FAT3: variants seen among roughly 807,000 people sequenced by gnomAD.
The protein encoded by FAT3 is FAT atypical cadherin 3.
Under a neutral mutation model 310.2 loss-of-function variants are expected in FAT3, and 95 were observed. The ratio of observed to expected loss-of-function variants is 0.31; its 90% CI spans 0.26 to 0.36. The LOEUF is 0.36. Ranked by LOEUF, FAT3 falls within the 10% of genes least tolerant of loss-of-function variation. The probability of loss-of-function intolerance (pLI) is 1.00; values close to 1 mark genes in which losing one functional copy is unlikely to be tolerated. For missense variants in FAT3, 5,408 were observed against 5,715.6 expected (o/e 0.95, Z 1.74); for synonymous variants, 2,314 against 2,192.9 (o/e 1.06, Z -1.54).
intron 15 of FAT3, 92 bp downstream of exon 15, chr11:92,835,176 C>T: frequency 1.3e-5 from 13 of 1,038,338 alleles, no homozygotes; most frequent in Non-Finnish European, 1.8e-5. Context: ...CTTGGGTTTT[C>T]TTCACACTTC....
rs1229594203 is a variant in FAT3, at chr11:92,891,504, T to C, written c.*391T>C. The C allele has an allele frequency of 2.0e-5, 4 of 197,258 alleles. No homozygotes were observed. Among genetic ancestry groups the C allele is most frequent in the Non-Finnish European group, 4.3e-5 (4 of 93,678 alleles). The allele number at this position is 197,258 out of a possible 1,614,324, so 12.2% of individuals were successfully genotyped here. A position where few individuals can be genotyped will look rare whatever the true frequency, so the allele number is the denominator to read the frequency against. ...AAAACTGGCAACAATCAAAGAGGCATTGTTGCATGTAATTTTGAGCCAATG... is the reference window on the plus strand; with the variant it reads ...AAAACTGGCAACAATCAAAGAGGCACTGTTGCATGTAATTTTGAGCCAATG... On this transcript the variant is annotated 3_prime_UTR_variant, in exon 28 of 28. Coordinates refer to ENST00000525166, the MANE Select transcript of FAT3 (RefSeq NM_001367949.2).
At chr11:92,562,388 A>T (rs1955259382) in intron 3 of FAT3, among the ~76,000 whole-genome samples, 1 of 152,142 alleles carries the variant, frequency 6.6e-6, no homozygotes, top group Non-Finnish European at 1.5e-5. Flanking sequence ...ATAAATACGT[A>T]CGGATTTTAT....
chr11:92,486,143 T>TTG (rs1952387996), intron 2 of FAT3, among the ~76,000 whole-genome samples: 2 of 139,158 alleles, frequency 1.4e-5, no homozygotes, highest in Non-Finnish European at 3.1e-5. Context: ...TTTTTTTTTT[T>TTG]TTTTTTTTTT....
At chr11:92,676,475 T>C (rs1943292197) in intron 3 of FAT3, among the ~76,000 whole-genome samples, 1 of 152,160 alleles carries the variant, frequency 6.6e-6, no homozygotes, top group Non-Finnish European at 1.5e-5. Context: ...CCCCTCATGA[T>C]TGTCACTCAG....
At chr11:92,743,632 C>T in intron 4 of FAT3, among the ~76,000 whole-genome samples, 1 of 152,210 alleles carries the variant, frequency 6.6e-6, no homozygotes, top group East Asian at 1.9e-4. Context: ...CAGAGGGCCG[C>T]ATGTGTCCTA....
chr11:92,450,234 A>G (rs528855702), intron 2 of FAT3, among the ~76,000 whole-genome samples: 57 of 152,322 alleles, frequency 3.7e-4, no homozygotes, highest in African/African-American at 1.3e-3. Flanking sequence ...TGTGGTTAAC[A>G]TGATGTTTAA....
At chr11:92,667,074 AAGAC>A (rs746095605) in intron 3 of FAT3, among the ~76,000 whole-genome samples, 100 of 152,136 alleles carry the variant, frequency 6.6e-4, no homozygotes, top group Admixed American at 3.5e-3. Flanking sequence ...AGACCAGACA[AAGAC>A]AGATAATTTC....
intron 3 of FAT3, among the ~76,000 whole-genome samples, chr11:92,674,182 A>AAATAATAATAATAATAAT (rs550101493): frequency 7.1e-6 from 1 of 140,944 alleles, no homozygotes; most frequent in African/African-American, 2.7e-5. Flanking sequence ...CTCCATCTCA[A>AAATAATAATAATAATAAT]AATAATAATA....
chr11:92,460,072 G>A (rs527509182), intron 2 of FAT3, among the ~76,000 whole-genome samples: 4 of 152,112 alleles, frequency 2.6e-5, no homozygotes, highest in Non-Finnish European at 4.4e-5. Flanking sequence ...GCTGTTCTCT[G>A]TCTTCTTTTT....
chr11:92,862,087 T>A (rs1389049934), intron 21 of FAT3, among the ~76,000 whole-genome samples: 4 of 152,200 alleles, frequency 2.6e-5, no homozygotes, highest in Admixed American at 2.0e-4. Flanking sequence ...ACCATAAGCA[T>A]CCAAATGCAA....
intron 3 of FAT3, among the ~76,000 whole-genome samples, chr11:92,573,469 A>G (rs965278234): frequency 6.6e-6 from 1 of 152,146 alleles, no homozygotes; most frequent in African/African-American, 2.4e-5. Flanking sequence ...TCAAAAAGAT[A>G]TGTCCAAGCT....
intron 3 of FAT3, among the ~76,000 whole-genome samples, chr11:92,656,526 C>G (rs1942589226): frequency 6.6e-6 from 1 of 152,224 alleles, no homozygotes; most frequent in Non-Finnish European, 1.5e-5. Context: ...CACAACCAAA[C>G]CACCAGACAC....
At chr11:92,401,826 T>C (rs1950019977) in intron 2 of FAT3, among the ~76,000 whole-genome samples, 2 of 152,188 alleles carry the variant, frequency 1.3e-5, no homozygotes, top group South Asian at 4.1e-4. Context: ...TTGGCACCAG[T>C]AGCTACAATA....
At chr11:92,761,112 G>A (rs536593306) in intron 4 of FAT3, among the ~76,000 whole-genome samples, 3 of 152,288 alleles carry the variant, frequency 2.0e-5, no homozygotes, top group Admixed American at 2.0e-4. Flanking sequence ...TCTGGTTGCT[G>A]TAATAAAATA....
intron 2 of FAT3, among the ~76,000 whole-genome samples, chr11:92,392,199 C>A (rs1949765488): frequency 6.6e-6 from 1 of 152,252 alleles, no homozygotes; most frequent in South Asian, 2.1e-4. Context: ...TCGAACCATG[C>A]TTATTTTCCA....
intron 3 of FAT3, among the ~76,000 whole-genome samples, chr11:92,686,404 C>T (rs1221850330): frequency 6.6e-6 from 1 of 152,114 alleles, no homozygotes; most frequent in Non-Finnish European, 1.5e-5. Context: ...AAGTGCTCTG[C>T]AAATGGTTTA....
At chr11:92,785,351 A>G (rs375670716) in intron 7 of FAT3, among the ~76,000 whole-genome samples, 1 of 152,164 alleles carries the variant, frequency 6.6e-6, no homozygotes, top group African/African-American at 2.4e-5. Flanking sequence ...ACATCACTAT[A>G]TTCAGTACTA....
intron 13 of FAT3, among the ~76,000 whole-genome samples, chr11:92,824,669 C>T (rs1261612102): frequency 1.3e-5 from 2 of 151,956 alleles, no homozygotes; most frequent in South Asian, 2.1e-4. Flanking sequence ...TTATTTATTA[C>T]AAACATAGTG....
intron 4 of FAT3, among the ~76,000 whole-genome samples, chr11:92,713,906 T>C (rs1362438965): frequency 1.3e-5 from 2 of 152,246 alleles, no homozygotes; most frequent in African/African-American, 2.4e-5. Context: ...AGCATTCTTA[T>C]GGTAATTTTG....
Sources: allele counts gnomAD v4.1 joint callset (sites outside exome capture counted in the v4.1 genomes callset), GRCh38; gene constraint gnomAD v4.1.1; transcripts MANE v1.5; gene names NCBI Gene and HGNC (gene_info 2026-07-23, HGNC 2026-07-21).